Variants in WDR27 observed in about 807,000 individuals in gnomAD.
The protein encoded by WDR27 is WD repeat-containing protein 27.
A neutral mutation model predicts 114.4 loss-of-function variants in WDR27; 100 were observed. That is an observed-to-expected ratio of 0.87 (90% CI 0.74 to 1.03). The LOEUF (loss-of-function observed/expected upper bound fraction) is 1.03, where lower values mean the gene tolerates loss of function less well. WDR27 is among the 50% of genes least tolerant of loss of function. WDR27 has a pLI of 0.00. For synonymous variants in WDR27, 449 were observed against 423.1 expected, an observed-to-expected ratio of 1.06 and a Z score of -0.75; for missense variants, 1,129 against 1,092.9, an observed-to-expected ratio of 1.03 and a Z score of -0.47.
At chr6:169,527,994 G>T (rs1795142086) in intron 25 of WDR27, among the ~76,000 whole-genome samples, 1 of 152,116 alleles carries the variant, frequency 6.6e-6, no homozygotes, top group African/African-American at 2.4e-5. Context: ...AGGAAGAAAT[G>T]ATTCCTAACT....
chr6:169,452,748 G>A (rs1045983835), downstream of WDR27, among the ~76,000 whole-genome samples: 25 of 152,240 alleles, frequency 1.6e-4, no homozygotes, highest in African/African-American at 5.8e-4. Flanking sequence ...GAGAGGCCAC[G>A]GCCAAATGTG....
At chr6:169,447,901 A>C in the WDR27 span, among the ~76,000 whole-genome samples, 2 of 152,184 alleles carry the variant, frequency 1.3e-5, no homozygotes, top group Non-Finnish European at 2.9e-5. Flanking sequence ...TGGGAAGTCA[A>C]TGAGTTGGAT....
At chr6:169,455,909 C>T (rs1784328714), downstream of WDR27, among the ~76,000 whole-genome samples, 1 of 151,834 alleles carries the variant, frequency 6.6e-6, no homozygotes, top group Admixed American at 6.5e-5. Context: ...TCTTCTTTGA[C>T]ATTTATTCAG....
chr6:169,564,626 T>C (rs1054885931), intron 25 of WDR27, among the ~76,000 whole-genome samples: 1 of 152,078 alleles, frequency 6.6e-6, no homozygotes, highest in African/African-American at 2.4e-5. Flanking sequence ...GGTGTGAGGC[T>C]CCCTGGAGGA....
chr6:169,645,023 T>TAAAAAAAAAAA (rs776362942), intron 16 of WDR27, among the ~76,000 whole-genome samples: 6 of 46,978 alleles, frequency 1.3e-4, no homozygotes, highest in Admixed American at 2.9e-4. Context: ...AAAAAAAAAA[T>TAAAAAAAAAAA]AAAAAAAAAA....
intron 25 of WDR27, chr6:169,559,145 T>C (rs1169639979): frequency 6.6e-6 from 1 of 152,232 alleles, no homozygotes; most frequent in Non-Finnish European, 1.5e-5. Context: ...TCTTAATTTA[T>C]CATCTGGACA....
intron 21 of WDR27, among the ~76,000 whole-genome samples, chr6:169,625,329 G>A (rs533714931): frequency 7.9e-5 from 12 of 152,306 alleles, no homozygotes; most frequent in South Asian, 2.1e-4. Context: ...TTAATTCCAC[G>A]TCATTCCGAC....
the WDR27 span, among the ~76,000 whole-genome samples, chr6:169,449,205 T>C: frequency 1.3e-5 from 2 of 152,302 alleles, no homozygotes; most frequent in South Asian, 4.1e-4. Context: ...GCCCTCTAAA[T>C]GGATTACTAC....
intron 1 of WDR27, 53 bp from the exon 2 acceptor site, chr6:169,689,065 A>C: frequency 7.4e-7 from 1 of 1,355,510 alleles, no homozygotes; most frequent in Non-Finnish European, 9.9e-7. Flanking sequence ...TTTAATACAG[A>C]AAAAAAGTCT....
intron 25 of WDR27, among the ~76,000 whole-genome samples, chr6:169,509,732 T>C (rs1043917127): frequency 1.6e-4 from 24 of 152,150 alleles, no homozygotes; most frequent in African/African-American, 5.8e-4. Context: ...AAGGACTTCA[T>C]GTCTAAAACA....
intron 25 of WDR27, among the ~76,000 whole-genome samples, chr6:169,557,671 C>T (rs2128109847): frequency 6.6e-6 from 1 of 152,156 alleles, no homozygotes; most frequent in East Asian, 1.9e-4. Context: ...GTGGCCCACA[C>T]CTGTGGTCCC....
chr6:169,528,787 A>G (rs532645106), intron 25 of WDR27, among the ~76,000 whole-genome samples: 1 of 152,326 alleles, frequency 6.6e-6, no homozygotes, highest in East Asian at 1.9e-4. Context: ...TCAGCCTCCC[A>G]AAGTGTTAGG....
At chr6:169,432,968 A>C in the WDR27 span, among the ~76,000 whole-genome samples, 1 of 152,212 alleles carries the variant, frequency 6.6e-6, no homozygotes, top group Non-Finnish European at 1.5e-5. Flanking sequence ...ACTTTGAGTA[A>C]AATGCTGATA....
At chr6:169,479,109 CA>C (rs1487125862) in intron 25 of WDR27, among the ~76,000 whole-genome samples, 1 of 152,080 alleles carries the variant, frequency 6.6e-6, no homozygotes, top group Non-Finnish European at 1.5e-5. Context: ...AAACTCTCAA[CA>C]AAGCAAAAAG....
rs747419276 is a variant in WDR27, at chr6:169,665,455, G to T, written c.783+31C>A. ...CAAGCTCACGTTCAGGCATGTCTGG[G>T]AACTGGAACTTAACTCTGTGGCTGT... On this transcript the variant is annotated intron_variant, in intron 7 of 25. Transcript: ENST00000448612. The T allele has an allele frequency of 1.9e-6, 3 of 1,602,282 alleles. No homozygotes were observed. The South Asian group carries it at 3.4e-5, about 18-fold the overall frequency.
At chr6:169,663,117 T>C (rs56331499) in intron 8 of WDR27, among the ~76,000 whole-genome samples, 5,701 of 152,318 alleles carry the variant, frequency 0.037, 129 homozygotes, top group Middle Eastern at 0.11. Flanking sequence ...AGCATGACGC[T>C]ACCTGGGAGC....
At chr6:169,560,505 G>C (rs1562584207) in intron 25 of WDR27, among the ~76,000 whole-genome samples, 3 of 152,238 alleles carry the variant, frequency 2.0e-5, no homozygotes, top group Non-Finnish European at 1.5e-5. Flanking sequence ...AGGCCAGTGT[G>C]CAGGGAGGCT....
At position 169,672,356 on chromosome 6, in the gene WDR27, A is replaced by C. The variant is rs377166351; in HGVS notation, c.230T>G (p.Met77Arg). 8 of 1,611,562 alleles carry C rather than the reference A, an allele frequency of 5.0e-6. No individual in the cohort carries two copies. The African/African-American group carries it at 1.1e-4, about 21-fold the overall frequency. Residue 77 changes from methionine (M) to arginine (R), a missense_variant, in exon 3 of 26, where the codon ATG (methionine) becomes AGG (arginine). Physicochemically the swap from Met to Arg is moderately conservative, Grantham distance 91. Transcript: ENST00000448612. Reference protein sequence around the residue: ...LRGHHQPITAMAFGNKVNPLL... With the variant: ...LRGHHQPITARAFGNKVNPLL... ...TGGGTTCACTTTATTTCCAAAAGCC[A>C]TAGCAGTAATTGGCTGATGGTGTCC...
chr6:169,575,182 A>C (rs904683407), intron 24 of WDR27, among the ~76,000 whole-genome samples: 1 of 152,064 alleles, frequency 6.6e-6, no homozygotes, highest in African/African-American at 2.4e-5. Context: ...GAGCCAATTC[A>C]CATAAAAAAT....
Sources: allele counts gnomAD v4.1 joint callset (sites outside exome capture counted in the v4.1 genomes callset), GRCh38; gene constraint gnomAD v4.1.1; transcripts MANE v1.5; gene names NCBI Gene and HGNC (gene_info 2026-07-23, HGNC 2026-07-21).